The following EPG5 variants were observed in gnomAD, a reference collection of about 807,000 sequenced individuals.
EPG5 encodes ectopic P-granules 5 autophagy tethering factor.
A neutral mutation model predicts 302.7 loss-of-function variants in EPG5; 159 were observed. The ratio of observed to expected loss-of-function variants is 0.53; its 90% CI spans 0.46 to 0.60. EPG5 has a LOEUF of 0.60. Among genes scored for constraint, EPG5 ranks in the 20% least tolerant of loss-of-function variants. The probability of loss-of-function intolerance (pLI) is 0.00; values close to 1 mark genes in which losing one functional copy is unlikely to be tolerated. For missense variants in EPG5, 2,896 were observed against 3,092.4 expected (o/e 0.94, Z 1.51); for synonymous variants, 1,158 against 1,136.8 (o/e 1.02, Z -0.37).
intron 20 of EPG5, 142 bp downstream of exon 20, chr18:45,915,369 A>G (rs1471800425): frequency 9.4e-6 from 6 of 636,914 alleles, no homozygotes; most frequent in Non-Finnish European, 1.4e-5. Context: ...GGCTACTGTA[A>G]AGATTAAATG....
At chr18:45,813,673 C>T in the EPG5 span, among the ~76,000 whole-genome samples, 1 of 151,524 alleles carries the variant, frequency 6.6e-6, no homozygotes, top group South Asian at 2.1e-4. Context: ...GGACAAAAAA[C>T]CAAACACTGC....
At chr18:45,936,585 G>A (rs1226154443) in intron 10 of EPG5, among the ~76,000 whole-genome samples, 18 of 151,792 alleles carry the variant, frequency 1.2e-4, no homozygotes, top group South Asian at 8.4e-4. Context: ...AAAATTAGCC[G>A]GGCACGGTGG....
At chr18:45,911,592 G>A (rs548876671) in intron 22 of EPG5, among the ~76,000 whole-genome samples, 17 of 151,656 alleles carry the variant, frequency 1.1e-4, no homozygotes, top group African/African-American at 3.9e-4. Flanking sequence ...GCGCCTGGCC[G>A]TGCTGGGCCA....
At chr18:45,867,994 C>T (rs2048783007) in intron 36 of EPG5, 5 of 564,228 alleles carry the variant, frequency 8.9e-6, no homozygotes, top group East Asian at 4.2e-5. Context: ...TCTTAATAAG[C>T]GAGGAATGAC....
At chr18:45,875,290 A>T (rs2048945893) in intron 35 of EPG5, among the ~76,000 whole-genome samples, 1 of 152,214 alleles carries the variant, frequency 6.6e-6, no homozygotes, top group South Asian at 2.1e-4. Flanking sequence ...CAAGAACAAG[A>T]ATCCAAAGGA....
At chr18:45,887,961 C>T in intron 28 of EPG5, 54 bp from the exon 29 acceptor site, 1 of 1,343,174 alleles carries the variant, frequency 7.4e-7, no homozygotes, top group Non-Finnish European at 9.9e-7. Flanking sequence ...TCCATACTCA[C>T]AAGGCCTTCT....
chr18:45,920,766 TCCAACACTGGGG>T (rs1230154586), intron 16 of EPG5, among the ~76,000 whole-genome samples: 1 of 152,184 alleles, frequency 6.6e-6, no homozygotes, highest in Non-Finnish European at 1.5e-5. Context: ...AGGTTCCATC[TCCAACACTGGGG>T]ATCAAATGTC....
chr18:45,901,987 G>A (rs911804294), intron 25 of EPG5, among the ~76,000 whole-genome samples: 2 of 152,132 alleles, frequency 1.3e-5, no homozygotes, highest in African/African-American at 4.8e-5. Context: ...GGTGGGGACT[G>A]AATAACATGA....
chr18:45,880,031 T>A (rs2049056808), intron 32 of EPG5, 44 bp downstream of exon 32: 1 of 1,488,376 alleles, frequency 6.7e-7, no homozygotes. Context: ...GCAAGGGAAA[T>A]AAAAAGAAAT....
chr18:45,848,081 C>T lies in EPG5; in HGVS notation c.*4386G>A, dbSNP rs1055608714. 4 of 151,840 alleles carry T rather than the reference C, an allele frequency of 2.6e-5. No individual in the cohort carries two copies. The highest frequency in any genetic ancestry group is 5.9e-5 in the Non-Finnish European group (4 of 67,980). 9.4% of individuals were successfully genotyped at this position (151,840 alleles called of 1,614,324 possible). ...ACAGCTACTCCTGGACACTGATGCCCGAGGCATGCTGTGGAAACCGGACCA... is the reference window on the plus strand; with the variant it reads ...ACAGCTACTCCTGGACACTGATGCCTGAGGCATGCTGTGGAAACCGGACCA... On this transcript the variant is annotated 3_prime_UTR_variant, in exon 44 of 44. Transcript: ENST00000282041.
chr18:45,885,156 T>C (rs1203663610), intron 29 of EPG5, among the ~76,000 whole-genome samples: 2 of 152,176 alleles, frequency 1.3e-5, no homozygotes, highest in Non-Finnish European at 2.9e-5. Context: ...CTGGCCAACG[T>C]GGTGAAACCC....
intron 26 of EPG5, 114 bp downstream of exon 26, chr18:45,900,882 C>T: frequency 8.2e-7 from 1 of 1,224,692 alleles, no homozygotes; most frequent in East Asian, 2.4e-5. Flanking sequence ...CCAGGTTGGT[C>T]AAACTATCCT....
intron 14 of EPG5, 80 bp downstream of exon 14, chr18:45,925,658 G>A (rs1258289611): frequency 5.3e-6 from 6 of 1,130,742 alleles, no homozygotes; most frequent in Non-Finnish European, 5.9e-6. Flanking sequence ...ACTCAGAAAT[G>A]TTAGTGTTTT....
intron 1 of EPG5, among the ~76,000 whole-genome samples, chr18:45,966,766 G>C (rs1387950670): frequency 2.0e-5 from 3 of 152,208 alleles, no homozygotes; most frequent in East Asian, 3.8e-4. Context: ...CCTTCTCCGC[G>C]TGGAGGAGGG....
At chr18:45,853,691 T>C (rs571592467) in intron 43 of EPG5, among the ~76,000 whole-genome samples, 8 of 152,254 alleles carry the variant, frequency 5.3e-5, no homozygotes, top group African/African-American at 1.9e-4. Context: ...AAACCAGAAT[T>C]TTAGAAATTA....
intron 31 of EPG5, among the ~76,000 whole-genome samples, chr18:45,882,072 C>T (rs2049110208): frequency 6.6e-6 from 1 of 152,196 alleles, no homozygotes; most frequent in Non-Finnish European, 1.5e-5. Context: ...AGCCCATTCT[C>T]AAATTTAGAA....
intron 22 of EPG5, among the ~76,000 whole-genome samples, chr18:45,911,075 CT>C (rs2049883279): frequency 3.3e-5 from 4 of 121,132 alleles, no homozygotes; most frequent in African/African-American, 1.3e-4. Flanking sequence ...ATCTATCTAT[CT>C]ATACACACAC....
Position 45,860,149 on chromosome 18 carries a change from T to C in EPG5, c.6964A>G (p.Met2322Val), listed in dbSNP as rs1257071280. ...ACQSLASVRHMAETTEACITA... is the reference protein window; with the variant it reads ...ACQSLASVRHVAETTEACITA... ...ATGCAGGCTTCTGTAGTCTCAGCCATGTGGCGGACGGACGCCAGGCTCTGG... is the reference window on the plus strand; with the variant it reads ...ATGCAGGCTTCTGTAGTCTCAGCCACGTGGCGGACGGACGCCAGGCTCTGG... The change falls in exon 40 of 44, where the codon ATG becomes GTG. Residue 2322 changes from methionine (M) to valine (V), a missense_variant. Met to Val is a conservative substitution (Grantham distance 21, BLOSUM62 1). Coordinates refer to ENST00000282041, the MANE Select transcript of EPG5 (RefSeq NM_020964.3). The C allele has an allele frequency of 3.7e-6, 6 of 1,614,140 alleles. No homozygotes were observed. Among genetic ancestry groups the C allele is most frequent in the Non-Finnish European group, 5.1e-6 (6 of 1,180,062 alleles).
intron 9 of EPG5, among the ~76,000 whole-genome samples, chr18:45,942,661 G>A (rs1421706095): frequency 2.0e-5 from 3 of 152,142 alleles, no homozygotes; most frequent in South Asian, 2.1e-4. Flanking sequence ...GAAGCGAAAG[G>A]AGGGAGAGAA....
Sources: gnomAD v4.1 joint callset for allele counts (sites outside exome capture counted in the v4.1 genomes callset) on GRCh38, gnomAD v4.1.1 for gene constraint, MANE v1.5 for transcripts, NCBI Gene and HGNC (gene_info 2026-07-23, HGNC 2026-07-21) for gene names.